The following NELL1 variants were observed in gnomAD, a reference collection of about 807,000 sequenced individuals.
NELL1 encodes the protein neural EGFL like 1.
A neutral mutation model predicts 107.4 loss-of-function variants in NELL1; 76 were observed. The observed-to-expected ratio is 0.71, with a 90% confidence interval of 0.59 to 0.86. NELL1 has a LOEUF of 0.86. Among genes scored for constraint, NELL1 ranks in the 40% least tolerant of loss-of-function variants. NELL1 has a pLI of 0.00. For synonymous variants in NELL1, 353 were observed against 341.2 expected (o/e 1.03, Z -0.38); for missense variants, 1,024 against 1,005.5 (o/e 1.02, Z -0.25).
intron 12 of NELL1, among the ~76,000 whole-genome samples, chr11:21,067,663 A>G (rs1163918737): frequency 6.6e-6 from 1 of 152,216 alleles, no homozygotes; most frequent in Non-Finnish European, 1.5e-5. Context: ...GCATTGGCTT[A>G]GTATATACCA....
chr11:21,370,025 A>G (rs1851322115), intron 14 of NELL1, among the ~76,000 whole-genome samples: 1 of 152,132 alleles, frequency 6.6e-6, no homozygotes, highest in African/African-American at 2.4e-5. Context: ...AGTTCAGTTG[A>G]TAAAGCAGGG....
chr11:21,573,418 A>G lies in NELL1; in HGVS notation c.2382+9A>G, dbSNP rs781500066. 1.6e-5 allele frequency: 25 copies of G among 1,608,730 alleles called. No homozygotes were observed. Among genetic ancestry groups the G allele is most frequent in the Non-Finnish European group, 2.0e-5 (23 of 1,176,784 alleles). On this transcript the variant is annotated intron_variant, in intron 19 of 19. Transcript: ENST00000357134. ...CAACCTGTAAATGCAAGGTAATTGG[A>G]TGTTCTGCGGATATTGAAGCCTTGA... is the stretch of plus-strand genomic sequence containing the variant.
At chr11:21,122,486 C>T (rs1855392153) in intron 13 of NELL1, among the ~76,000 whole-genome samples, 1 of 152,122 alleles carries the variant, frequency 6.6e-6, no homozygotes, top group Admixed American at 6.6e-5. Flanking sequence ...TCTATTTAAT[C>T]TATCTGTCTA....
intron 12 of NELL1, among the ~76,000 whole-genome samples, chr11:21,015,582 T>C (rs2134293398): frequency 6.6e-6 from 1 of 152,238 alleles, no homozygotes; most frequent in Admixed American, 6.5e-5. Flanking sequence ...CCCCTGTGGC[T>C]GGATCAATGC....
At chr11:21,488,515 A>G (rs537131546) in intron 15 of NELL1, among the ~76,000 whole-genome samples, 36 of 152,126 alleles carry the variant, frequency 2.4e-4, no homozygotes, top group Non-Finnish European at 4.4e-4. Flanking sequence ...TTACTAGTGG[A>G]GGCTGTGGTG....
intron 3 of NELL1, among the ~76,000 whole-genome samples, chr11:20,829,847 G>T (rs996260570): frequency 4.6e-5 from 7 of 151,936 alleles, no homozygotes; most frequent in Non-Finnish European, 1.5e-5. Context: ...TGTGCATCAC[G>T]TGAAAGGATT....
intron 14 of NELL1, among the ~76,000 whole-genome samples, chr11:21,240,147 A>T (rs1387761520): frequency 2.0e-5 from 3 of 152,046 alleles, no homozygotes; most frequent in Non-Finnish European, 4.4e-5. Context: ...AAGATAAATG[A>T]TAAGGACTTT....
intron 14 of NELL1, among the ~76,000 whole-genome samples, chr11:21,369,923 C>A (rs1046349375): frequency 3.9e-5 from 6 of 152,032 alleles, no homozygotes; most frequent in African/African-American, 1.4e-4. Context: ...TCTAACAAAT[C>A]AGTTTTGAGC....
intron 3 of NELL1, among the ~76,000 whole-genome samples, chr11:20,793,982 GTTAT>G (rs1449838545): frequency 2.0e-5 from 3 of 152,142 alleles, no homozygotes; most frequent in South Asian, 2.1e-4. Context: ...TTTGAGTTGT[GTTAT>G]TTAACTTCTA....
chr11:21,392,842 TC>T (rs147418029), intron 15 of NELL1, among the ~76,000 whole-genome samples: 14,191 of 151,812 alleles, frequency 0.093, 858 homozygotes, highest in South Asian at 0.16. Flanking sequence ...GATAGACATT[TC>T]CCCTTTGGAA....
intron 14 of NELL1, among the ~76,000 whole-genome samples, chr11:21,290,612 A>T (rs1307062805): frequency 6.6e-6 from 1 of 152,058 alleles, no homozygotes; most frequent in East Asian, 1.9e-4. Context: ...GGCATATGGC[A>T]GGTGCCCCTC....
chr11:20,788,700 A>T (rs1336514143), intron 3 of NELL1, among the ~76,000 whole-genome samples: 1 of 147,118 alleles, frequency 6.8e-6, no homozygotes, highest in Admixed American at 6.7e-5. Flanking sequence ...ATGATGTCCA[A>T]TTTTTTTTTA....
intron 4 of NELL1, among the ~76,000 whole-genome samples, chr11:20,884,783 G>A (rs901001159): frequency 7.2e-5 from 11 of 152,164 alleles, no homozygotes; most frequent in Non-Finnish European, 1.6e-4. Context: ...CCATGAGAGT[G>A]GGACCTTGTG....
chr11:21,439,978 C>A (rs1191160225), intron 15 of NELL1, among the ~76,000 whole-genome samples: 1 of 152,084 alleles, frequency 6.6e-6, no homozygotes, highest in African/African-American at 2.4e-5. Flanking sequence ...ATATTACCTG[C>A]CTTTTGGGAG....
At chr11:21,259,291 T>C (rs1354915605) in intron 14 of NELL1, among the ~76,000 whole-genome samples, 1 of 151,896 alleles carries the variant, frequency 6.6e-6, no homozygotes, top group African/African-American at 2.4e-5. Context: ...GGAGCCATTA[T>C]TATAAAGCAT....
chr11:20,731,224 C>T (rs1244377092), intron 2 of NELL1, among the ~76,000 whole-genome samples: 1 of 152,214 alleles, frequency 6.6e-6, no homozygotes, highest in Non-Finnish European at 1.5e-5. Flanking sequence ...GCTTCAGATA[C>T]TCTGTGAATG....
chr11:21,014,818 T>A (rs1175940712), intron 12 of NELL1, among the ~76,000 whole-genome samples: 4 of 152,162 alleles, frequency 2.6e-5, no homozygotes, highest in African/African-American at 7.2e-5. Flanking sequence ...ACATATATGA[T>A]GAAATTAATA....
At chr11:20,782,715 G>C (rs1856875357) in intron 2 of NELL1, among the ~76,000 whole-genome samples, 1 of 152,200 alleles carries the variant, frequency 6.6e-6, no homozygotes. Context: ...GAGATGGTCA[G>C]GATGTGAGAG....
At chr11:20,762,385 T>C (rs1412289337) in intron 2 of NELL1, among the ~76,000 whole-genome samples, 2 of 152,202 alleles carry the variant, frequency 1.3e-5, no homozygotes, top group Non-Finnish European at 2.9e-5. Context: ...ATGAACCCTC[T>C]CCAATGGCTG....
Sources: gnomAD v4.1 joint callset for allele counts (sites outside exome capture counted in the v4.1 genomes callset) on GRCh38, gnomAD v4.1.1 for gene constraint, MANE v1.5 for transcripts, NCBI Gene and HGNC (gene_info 2026-07-23, HGNC 2026-07-21) for gene names.